ABCC5: variants seen among roughly 807,000 people sequenced by gnomAD.
ABCC5 encodes ATP binding cassette subfamily C member 5, also known as ATP-binding cassette sub-family C member 5.
A neutral mutation model predicts 160.9 loss-of-function variants in ABCC5; 61 were observed. That is an observed-to-expected ratio of 0.38 (90% confidence interval 0.31 to 0.47). The LOEUF (loss-of-function observed/expected upper bound fraction) is 0.47, where lower values mean the gene tolerates loss of function less well. ABCC5 is among the 20% of genes least tolerant of loss of function. The probability of loss-of-function intolerance (pLI) is 0.99; values close to 1 mark genes in which losing one functional copy is unlikely to be tolerated. For missense variants in ABCC5, 1,308 were observed against 1,813.3 expected, an observed-to-expected ratio of 0.72 and a Z score of 5.06; for synonymous variants, 666 against 700.6, an observed-to-expected ratio of 0.95 and a Z score of 0.78.
chr3:183,972,311 C>G (rs141436250), intron 10 of ABCC5, among the ~76,000 whole-genome samples: 1 of 152,222 alleles, frequency 6.6e-6, no homozygotes, highest in African/African-American at 2.4e-5. Flanking sequence ...ATGCTCACTA[C>G]GTGTTTTCCT....
chr3:183,941,295 G>A (rs949591239), intron 25 of ABCC5, among the ~76,000 whole-genome samples: 2 of 152,162 alleles, frequency 1.3e-5, no homozygotes, highest in Non-Finnish European at 2.9e-5. Flanking sequence ...GGGGAGCAGT[G>A]TACCCCTGGG....
intron 5 of ABCC5, chr3:183,985,881 C>T (rs1576900746): frequency 5.5e-6 from 1 of 181,348 alleles, no homozygotes; most frequent in East Asian, 1.4e-4. Context: ...AACACAACAA[C>T]TTGACTGTGT....
intron 8 of ABCC5, among the ~76,000 whole-genome samples, chr3:183,981,510 T>G (rs1349559166): frequency 6.6e-6 from 1 of 152,160 alleles, no homozygotes; most frequent in African/African-American, 2.4e-5. Flanking sequence ...AAAATCAACA[T>G]TTTCCCAGGT....
In ABCC5 at chr3:183,978,608, G is replaced by A; in HGVS notation, c.1191C>T (p.Tyr397=). The A allele has an allele frequency of 6.2e-7, 1 of 1,614,034 alleles. No homozygotes were observed. The highest frequency in any genetic ancestry group is 1.1e-5 in the South Asian group (1 of 91,072). The part of the protein sequence containing the change: ...EERRILEKAG[Y]FQSITVGVAP... The stretch of plus-strand genomic sequence containing the variant: ...CCACACCCACAGTGATGCTCTGGAA[G>A]TACCCAGCTTTTTCCAATATCCGAC... The change falls in exon 9 of 30, where the codon TAC becomes TAT. Residue 397 remains tyrosine, a synonymous_variant. Coordinates refer to ENST00000334444, the MANE Select transcript of ABCC5 (RefSeq NM_005688.4).
At chr3:183,992,569 A>T (rs1719862463) in intron 2 of ABCC5, among the ~76,000 whole-genome samples, 2 of 152,074 alleles carry the variant, frequency 1.3e-5, no homozygotes, top group Non-Finnish European at 2.9e-5. Context: ...GCGGATCACG[A>T]GGTCAGGAGA....
At chr3:183,986,345 A>C (rs1200042729) in intron 5 of ABCC5, 1 of 152,186 alleles carries the variant, frequency 6.6e-6, no homozygotes, top group African/African-American at 2.4e-5. Context: ...GAGAAGAAAA[A>C]GCATGCTGCT....
chr3:183,922,609 A>G (rs984010505), intron 29 of ABCC5, among the ~76,000 whole-genome samples: 2 of 152,144 alleles, frequency 1.3e-5, no homozygotes, highest in Non-Finnish European at 2.9e-5. Flanking sequence ...AGCCGTGGAA[A>G]ATCATGTGGC....
chr3:183,941,267 G>A (rs945516847), intron 25 of ABCC5, among the ~76,000 whole-genome samples: 1 of 152,170 alleles, frequency 6.6e-6, no homozygotes, highest in African/African-American at 2.4e-5. Flanking sequence ...CATAACAAAG[G>A]ACATCAGTCA....
chr3:183,984,495 A>C, intron 5 of ABCC5: 6 of 1,074,946 alleles, frequency 5.6e-6, no homozygotes, highest in Non-Finnish European at 6.8e-6. Context: ...CAAAACCCAG[A>C]CTCTCTCTGG....
At chr3:183,981,134 T>C (rs1415986167) in intron 8 of ABCC5, among the ~76,000 whole-genome samples, 1 of 152,216 alleles carries the variant, frequency 6.6e-6, no homozygotes, top group African/African-American at 2.4e-5. Flanking sequence ...TAAGTATCTA[T>C]GTGTTTGTTT....
rs143880339 is a variant in ABCC5, at chr3:183,942,878, C to G, written c.3543G>C (p.Lys1181Asn). The stretch of plus-strand genomic sequence containing the variant: ...CCTGGGGCCAGTCAGGGGAGGGAGC[C>G]TTGTTCTTAATTCTGGCAGGTGCTT... The part of the protein sequence containing the change: ...SLEAPARIKN[K>N]APSPDWPQEG... The change falls in exon 25 of 30, where the codon AAG becomes AAC. Residue 1181 changes from lysine to asparagine, a missense_variant. Physicochemically the swap from Lys to Asn is moderately conservative, Grantham distance 94. Transcript: ENST00000334444. 1.4e-5 allele frequency: 23 copies of G among 1,613,884 alleles called. No individual in the cohort carries two copies. The Admixed American group carries it at 1.5e-4, about 11-fold the overall frequency.
At chr3:183,928,078 T>C (rs913667005) in intron 27 of ABCC5, among the ~76,000 whole-genome samples, 3 of 152,076 alleles carry the variant, frequency 2.0e-5, no homozygotes, top group African/African-American at 7.2e-5. Context: ...ATATGCACAC[T>C]GTGTGCTTTC....
rs12054261 is a variant in ABCC5, at chr3:183,940,530, C to G, written c.3694+2197G>C. On this transcript the variant is annotated intron_variant, in intron 25 of 29. Transcript: ENST00000334444. ...GGGTTGGGGGACTCAGTTACTGGCC[C>G]CTTTCCCAGATAGGAGGGGAGGAGA... 2.5e-3 allele frequency among the ~76,000 whole-genome samples: 377 copies of G among 150,434 alleles called. 2 individuals carry two copies. Among genetic ancestry groups the G allele is most frequent in the African/African-American group, 8.7e-3 (356 of 41,106 alleles).
At chr3:183,992,165 A>C (rs1189773480) in intron 2 of ABCC5, among the ~76,000 whole-genome samples, 1 of 152,240 alleles carries the variant, frequency 6.6e-6, no homozygotes, top group Non-Finnish European at 1.5e-5. Flanking sequence ...GATTTTTAAA[A>C]TATCTGAATG....
At chr3:184,014,212 ATG>A in intron 2 of ABCC5, 50 bp downstream of exon 2, 2 of 1,534,462 alleles carry the variant, frequency 1.3e-6, no homozygotes, top group Non-Finnish European at 1.8e-6. Context: ...ACGAAAAAAG[ATG>A]TGTTTTAGTA....
rs1715390732 is a variant in ABCC5 at position 183,951,893 on chromosome 3, C to T, written c.2778G>A (p.Leu926=). 3 of 1,613,898 alleles carry T rather than the reference C, an allele frequency of 1.9e-6. No individual in the cohort carries two copies. The African/African-American group carries it at 4.0e-5, about 22-fold the overall frequency. Residue 926 remains leucine (L), a synonymous_variant, in exon 19 of 30, where the codon CTG becomes CTA. Coordinates refer to ENST00000334444, the MANE Select transcript of ABCC5 (RefSeq NM_005688.4). This position sits in a 1 kb window ranked among gnomAD's most constrained non-coding sequence, Gnocchi z 4.7. ...SIYALSMAVM[L]ILKAIRGVVF... The stretch of plus-strand genomic sequence containing the variant: ...CAACTCCTCGAATGGCTTTCAGGAT[C>T]AGCATGACTGCCATGGAGAGGGCGT...
At chr3:183,984,556 G>A in intron 5 of ABCC5, 1 of 1,300,780 alleles carries the variant, frequency 7.7e-7, no homozygotes, top group South Asian at 1.7e-5. Flanking sequence ...TGTCCACTAG[G>A]TCCTAGGAGA....
chr3:183,941,459 G>T (rs545693868), intron 25 of ABCC5, among the ~76,000 whole-genome samples: 1 of 151,978 alleles, frequency 6.6e-6, no homozygotes, highest in African/African-American at 2.4e-5. Context: ...AGCAGGAAAT[G>T]GCTTTTTCCT....
rs151021088 is a variant in ABCC5, at chr3:183,982,141, G to A, written c.1000-267C>T. On this transcript the variant is annotated intron_variant, in intron 7 of 29. Coordinates refer to ENST00000334444, the MANE Select transcript of ABCC5 (RefSeq NM_005688.4). This position sits in a 1 kb window ranked among gnomAD's most constrained non-coding sequence, Gnocchi z 5.2. ...CACAGAGACTGAGTGCTTCCAAAGG[G>A]GAGGCAGGAGGGCCCTATCACTTAG... is the stretch of plus-strand genomic sequence containing the variant. 5.3e-5 allele frequency among the ~76,000 whole-genome samples: 8 copies of A among 151,990 alleles called. No homozygotes were observed. Among genetic ancestry groups the A allele is most frequent in the Admixed American group, 1.3e-4 (2 of 15,272 alleles).
Sources: allele counts gnomAD v4.1 joint callset (sites outside exome capture counted in the v4.1 genomes callset), GRCh38; gene constraint gnomAD v4.1.1; non-coding constraint Gnocchi (gnomAD v3.1); transcripts MANE v1.5; gene names NCBI Gene and HGNC (gene_info 2026-07-23, HGNC 2026-07-21).